VPS13D: variants seen among roughly 807,000 people sequenced by gnomAD.
The protein encoded by VPS13D is intermembrane lipid transfer protein VPS13D.
Under a neutral mutation model 461.9 loss-of-function variants are expected in VPS13D, and 187 were observed. That is an observed-to-expected ratio of 0.40 (90% CI 0.36 to 0.46). The LOEUF is 0.46. VPS13D is among the 20% of genes least tolerant of loss of function. The probability of loss-of-function intolerance (pLI) is 0.60; values close to 1 mark genes in which losing one functional copy is unlikely to be tolerated. For synonymous variants in VPS13D, 1,951 were observed against 1,986.3 expected (o/e 0.98, Z 0.47); for missense variants, 4,711 against 5,364.9 (o/e 0.88, Z 3.81).
At chr1:12,266,054 G>T (rs1286324419) in intron 13 of VPS13D, among the ~76,000 whole-genome samples, 2 of 152,060 alleles carry the variant, frequency 1.3e-5, no homozygotes, top group Non-Finnish European at 2.9e-5. Context: ...TCCTAGCTAC[G>T]TGGCAGACTG....
intron 60 of VPS13D, among the ~76,000 whole-genome samples, chr1:12,388,844 AAAG>A (rs1390332006): frequency 2.6e-5 from 4 of 152,232 alleles, no homozygotes; most frequent in African/African-American, 9.6e-5. Context: ...GGTTAAAAGG[AAAG>A]AAGATGAAAA....
At chr1:12,251,726 C>A (rs1640739297) in intron 6 of VPS13D, among the ~76,000 whole-genome samples, 1 of 152,142 alleles carries the variant, frequency 6.6e-6, no homozygotes, top group African/African-American at 2.4e-5. Flanking sequence ...CTGAAACATA[C>A]CTGATTGTGG....
At chr1:12,304,449 A>G in intron 25 of VPS13D, 57 bp from the exon 26 acceptor site, 1 of 1,491,350 alleles carries the variant, frequency 6.7e-7, no homozygotes, top group Non-Finnish European at 9.2e-7. Context: ...GAGTCCCACC[A>G]CCAGTGCTGC....
Position 12,231,984 on chromosome 1 carries a change from C to T in VPS13D, c.-77+1864C>T, listed in dbSNP as rs368636209. ...CACTCCAGCCTGGGCGAGGGAGCAACACTCTGTCTCCAGAAAAAAAAGTTA... is the reference window on the plus strand; with the variant it reads ...CACTCCAGCCTGGGCGAGGGAGCAATACTCTGTCTCCAGAAAAAAAAGTTA... On this transcript the variant is annotated intron_variant, in intron 1 of 69. Transcript: ENST00000620676. Among the ~76,000 whole-genome samples the T allele has an allele frequency of 3.3e-5, 5 of 152,282 alleles. No homozygotes were observed. The East Asian group carries it at 7.7e-4, about 24-fold the overall frequency.
chr1:12,257,180 A>G (rs1411032498), intron 9 of VPS13D, 93 bp downstream of exon 9: 17 of 1,100,042 alleles, frequency 1.5e-5, no homozygotes, highest in South Asian at 1.2e-4. Flanking sequence ...TCCTTTACCC[A>G]TGTTTGGAGA....
chr1:12,295,659 C>CA (rs1049888602), intron 24 of VPS13D, among the ~76,000 whole-genome samples: 1 of 151,664 alleles, frequency 6.6e-6, no homozygotes, highest in East Asian at 1.9e-4. Flanking sequence ...TTTAACAACT[C>CA]AAAAAAAATT....
rs1385846906 is a variant in VPS13D at position 12,330,423 on chromosome 1, T to C, written c.8287+505T>C. Among the ~76,000 whole-genome samples, 13 of 152,024 alleles carry C rather than the reference T, an allele frequency of 8.6e-5. No homozygotes were observed. In the East Asian group the frequency reaches 2.5e-3, roughly 30 times the overall value. On this transcript the variant is annotated intron_variant, in intron 37 of 69. Coordinates refer to ENST00000620676, the MANE Select transcript of VPS13D (RefSeq NM_015378.4). ...GAGCAAGGCTCTGTCTCAAAAAAAA[T>C]TTAAAAAGTGATGTTTTTATAGTTA...
chr1:12,418,506 T>G (rs1644823517), intron 65 of VPS13D, among the ~76,000 whole-genome samples: 1 of 152,240 alleles, frequency 6.6e-6, no homozygotes, highest in African/African-American at 2.4e-5. Flanking sequence ...TAAGAAAGTC[T>G]TCTTGGTTTT....
intron 67 of VPS13D, among the ~76,000 whole-genome samples, chr1:12,462,058 G>T (rs1399609453): frequency 1.3e-5 from 2 of 152,182 alleles, no homozygotes; most frequent in Admixed American, 1.3e-4. Context: ...AGTAAATAGT[G>T]ATTGAAAATT....
At chr1:12,306,358 C>G (rs770022375) in intron 26 of VPS13D, among the ~76,000 whole-genome samples, 1 of 152,168 alleles carries the variant, frequency 6.6e-6, no homozygotes, top group Non-Finnish European at 1.5e-5. Context: ...CGAATTGTAA[C>G]TGAACATGAT....
chr1:12,497,439 A>G, intron 67 of VPS13D, 61 bp from the exon 68 acceptor site: 2 of 1,549,762 alleles, frequency 1.3e-6, no homozygotes, highest in Non-Finnish European at 1.7e-6. Context: ...TTAGTGAGAA[A>G]GGAAAATCAT....
intron 5 of VPS13D, among the ~76,000 whole-genome samples, chr1:12,244,823 T>C (rs1350209570): frequency 6.6e-6 from 1 of 151,156 alleles, no homozygotes; most frequent in Non-Finnish European, 1.5e-5. Flanking sequence ...AGACACAGAG[T>C]TTTCTTGTTT....
At chr1:12,330,141 G>A (rs146981946) in intron 37 of VPS13D, among the ~76,000 whole-genome samples, 11 of 152,290 alleles carry the variant, frequency 7.2e-5, no homozygotes, top group Admixed American at 2.6e-4. Context: ...TTGGCTGGAC[G>A]TGGTGGCTCA....
At chr1:12,457,299 C>G (rs1645342905) in intron 66 of VPS13D, among the ~76,000 whole-genome samples, 2 of 152,346 alleles carry the variant, frequency 1.3e-5, no homozygotes, top group South Asian at 4.1e-4. Flanking sequence ...TCTCCCTCCT[C>G]TGCCTCATTT....
In VPS13D at chr1:12,277,432, T is replaced by C. The variant is rs549976758; in HGVS notation, c.3844T>C (p.Cys1282Arg). ...GTTTGTTGAGAGATCTAAACAGGAG[T>C]GTTTTCTCAACCTGAAGATGGCTTC... ...FTFVERSKQE[C>R]FLNLKMASLH... The change falls in exon 19 of 70, where the codon TGT becomes CGT. Residue 1282 changes from cysteine (C) to arginine (R), a missense_variant. Physicochemically the swap from Cys to Arg is radical, Grantham distance 180 (BLOSUM62 -3). Around this residue, in one of 3 missense-constraint regions of VPS13D, gnomAD observed 4,411 missense variants for 4,937.8 expected, o/e 0.89. Transcript: ENST00000620676. 30 of 1,613,906 alleles carry C rather than the reference T, an allele frequency of 1.9e-5. No homozygotes were observed. The Admixed American group carries it at 3.8e-4, about 21-fold the overall frequency.
intron 18 of VPS13D, 145 bp from the exon 19 acceptor site, chr1:12,275,680 C>A (rs573741643): frequency 1.4e-6 from 1 of 737,386 alleles, no homozygotes; most frequent in Non-Finnish European, 2.0e-6. Context: ...AAATGGTAAA[C>A]AAAGATATTA....
chr1:12,308,435 C>A lies in VPS13D; in HGVS notation c.6444C>A (p.Asp2148Glu). 6.2e-7 allele frequency: 1 copy of A among 1,614,124 alleles called. No homozygotes were observed. The highest frequency in any genetic ancestry group is 1.3e-5 in the African/African-American group (1 of 75,038). ...SVGQESSSPE[D>E]HVCLLDCVVV... ...TCTTTCCTTGGGTCCTTGTAGAAGA[C>A]CATGTCTGCCTGCTGGATTGCGTTG... is the stretch of plus-strand genomic sequence containing the variant. Residue 2148 changes from aspartate to glutamate, a missense_variant, in exon 27 of 70, where the codon GAC becomes GAA. Physicochemically the swap from Asp to Glu is conservative, Grantham distance 45. This residue lies in a region of VPS13D where 4,411 missense variants were observed against 4,937.8 expected (regional missense o/e 0.89). Coordinates refer to ENST00000620676, the MANE Select transcript of VPS13D (RefSeq NM_015378.4).
chr1:12,349,031 C>G, intron 45 of VPS13D, 58 bp downstream of exon 45: 1 of 1,610,846 alleles, frequency 6.2e-7, no homozygotes, highest in South Asian at 1.1e-5. Flanking sequence ...TGACTGTTGT[C>G]AAGTCTCTTT....
At position 12,268,730 on chromosome 1, in the gene VPS13D, T is replaced by C. The variant is rs1442139451; in HGVS notation, c.1826T>C (p.Phe609Ser). The C allele has an allele frequency of 3.7e-6, 6 of 1,613,570 alleles. No homozygotes were observed. The Admixed American group carries it at 8.4e-5, about 22-fold the overall frequency. The change falls in exon 16 of 70, where the codon TTT (phenylalanine) becomes TCT (serine). Residue 609 changes from phenylalanine (F) to serine (S), a missense_variant. By Grantham distance (155) the Phe-to-Ser change is radical. Coordinates refer to ENST00000620676, the MANE Select transcript of VPS13D (RefSeq NM_015378.4). ...YPAADPDGPV[F>S]EMLYERNPAH... ...GCTGCAGATCCAGATGGCCCCGTTT[T>C]TGAGATGCTGTATGAGAGAAATCCG...
Sources: allele counts gnomAD v4.1 joint callset (sites outside exome capture counted in the v4.1 genomes callset), GRCh38; gene constraint gnomAD v4.1.1; regional missense constraint gnomAD v4.1.1; transcripts MANE v1.5; gene names NCBI Gene and HGNC (gene_info 2026-07-23, HGNC 2026-07-21).